The following TEAD4 variants were observed in gnomAD, a reference collection of about 807,000 sequenced individuals.
TEAD4 encodes the protein TEA domain transcription factor 4, also known as transcriptional enhancer factor TEF-3.
TEAD4 carries 36 observed loss-of-function variants against 52.4 expected under a neutral mutation model. The ratio of observed to expected loss-of-function variants is 0.69; its 90% CI spans 0.53 to 0.91. The LOEUF is 0.91. Ranked by LOEUF, TEAD4 falls within the 40% of genes least tolerant of loss-of-function variation. The pLI is 0.00. For synonymous variants in TEAD4, 220 were observed against 231.0 expected (o/e 0.95, Z 0.43); for missense variants, 508 against 583.9 (o/e 0.87, Z 1.34).
intron 10 of TEAD4, among the ~76,000 whole-genome samples, chr12:3,023,075 TG>T (rs1565548131): frequency 6.6e-6 from 1 of 152,128 alleles, no homozygotes; most frequent in African/African-American, 2.4e-5. Flanking sequence ...CAGCTGAACA[TG>T]GGGGCAGGCT....
Position 2,995,079 on chromosome 12 carries a change from A to C in TEAD4, c.226+87A>C, listed in dbSNP as rs12099824. The C allele has an allele frequency of 7.5e-3, 11,257 of 1,507,172 alleles. 680 individuals are homozygous for C. The African/African-American group carries it at 0.13, about 18-fold the overall frequency. 93.4% of individuals were successfully genotyped at this position (1,507,172 alleles called of 1,614,324 possible). On this transcript the variant is annotated intron_variant, in intron 3 of 12. Transcript: ENST00000359864. ...CCTTGGGGTTCCTGCCGGGCCACAG[A>C]AGGGGATGACCACTTGGGGCTTTGT...
chr12:2,967,949 G>A (rs2098221748), intron 2 of TEAD4, among the ~76,000 whole-genome samples: 1 of 152,076 alleles, frequency 6.6e-6, no homozygotes, highest in African/African-American at 2.4e-5. Context: ...TAAGCTCTGT[G>A]ACCCTCTGGC....
chr12:3,007,338 C>A (rs566621784), intron 3 of TEAD4, among the ~76,000 whole-genome samples: 11 of 152,188 alleles, frequency 7.2e-5, no homozygotes, highest in African/African-American at 2.7e-4. Context: ...GAGGAGGTTC[C>A]ATTAACTAAG....
At chr12:2,996,577 A>G (rs2098247386) in intron 3 of TEAD4, among the ~76,000 whole-genome samples, 2 of 151,818 alleles carry the variant, frequency 1.3e-5, no homozygotes, top group African/African-American at 4.8e-5. Context: ...CTCCTGGCTA[A>G]TTTTGTATTT....
chr12:3,038,667 G>A (rs879043414), intron 11 of TEAD4, among the ~76,000 whole-genome samples: 20 of 152,282 alleles, frequency 1.3e-4, no homozygotes, highest in Admixed American at 1.1e-3. Context: ...CTAAACCCCC[G>A]GCCAAGGGCA....
chr12:3,006,228 A>G (rs1220477348), intron 3 of TEAD4, among the ~76,000 whole-genome samples: 4 of 152,204 alleles, frequency 2.6e-5, no homozygotes, highest in Non-Finnish European at 4.4e-5. Flanking sequence ...GTGTGCCTCG[A>G]AGGAGATGCT....
Position 3,033,350 on chromosome 12 carries a change from C to T in TEAD4, c.898-4618C>T, listed in dbSNP as rs535959926. Among the ~76,000 whole-genome samples, 25 of 152,320 alleles carry T rather than the reference C, an allele frequency of 1.6e-4. No individual in the cohort carries two copies. In the East Asian group the frequency reaches 2.5e-3, roughly 15 times the overall value. On this transcript the variant is annotated intron_variant, in intron 10 of 12. Transcript: ENST00000359864. ...CCTCAGCCCTATCTGCTGAGCGCCA[C>T]GGGGCCTGGAGCGAGGGACTGATGC...
intron 2 of TEAD4, among the ~76,000 whole-genome samples, chr12:2,977,315 TC>T (rs1180743699): frequency 6.6e-6 from 1 of 152,180 alleles, no homozygotes; most frequent in African/African-American, 2.4e-5. Flanking sequence ...TTTCTCCCCT[TC>T]CTGCTCTCTC....
chr12:3,009,846 G>T (rs1252868754), intron 3 of TEAD4, among the ~76,000 whole-genome samples: 1 of 152,216 alleles, frequency 6.6e-6, no homozygotes, highest in East Asian at 1.9e-4. Flanking sequence ...AGTACCTCTG[G>T]AGAGTAGCCT....
chr12:2,965,727 G>A lies in TEAD4; in HGVS notation c.-30+5687G>A, dbSNP rs527636587. On this transcript the variant is annotated intron_variant, in intron 2 of 12. Transcript: ENST00000359864. ...CCACCTAATTTTTTTGTATTTTTTA[G>A]TAGAGACGGGGTTTCACCATGTTAG... 4.2e-3 allele frequency among the ~76,000 whole-genome samples: 642 copies of A among 151,988 alleles called. 5 individuals carry two copies. Among genetic ancestry groups the A allele is most frequent in the African/African-American group, 0.015 (607 of 41,404 alleles).
intron 10 of TEAD4, among the ~76,000 whole-genome samples, chr12:3,026,507 G>A (rs967382107): frequency 2.0e-5 from 3 of 152,158 alleles, no homozygotes; most frequent in Non-Finnish European, 4.4e-5. Context: ...ATGACTGCTG[G>A]AGTTCCAGCC....
intron 2 of TEAD4, among the ~76,000 whole-genome samples, chr12:2,966,489 C>T (rs1039213934): frequency 2.0e-5 from 3 of 151,362 alleles, no homozygotes; most frequent in African/African-American, 7.3e-5. Context: ...TGGCTCACTG[C>T]AACCTCTGCC....
chr12:2,966,280 C>T (rs1206141960), intron 2 of TEAD4, among the ~76,000 whole-genome samples: 1 of 152,118 alleles, frequency 6.6e-6, no homozygotes, highest in Non-Finnish European at 1.5e-5. Context: ...AACTCCTGAG[C>T]TTGTGTTACT....
At chr12:2,973,655 A>C (rs1704494824) in intron 2 of TEAD4, among the ~76,000 whole-genome samples, 1 of 152,202 alleles carries the variant, frequency 6.6e-6, no homozygotes, top group African/African-American at 2.4e-5. Flanking sequence ...ATGGTTCAGA[A>C]TGAGAGGCAC....
chr12:3,039,816 T>C (rs2098281604), intron 11 of TEAD4, among the ~76,000 whole-genome samples: 1 of 152,072 alleles, frequency 6.6e-6, no homozygotes, highest in African/African-American at 2.4e-5. Flanking sequence ...GCCTCCAGAG[T>C]AGCTGGGATT....
intron 2 of TEAD4, among the ~76,000 whole-genome samples, chr12:2,962,103 TTTTAC>T (rs1379874250): frequency 6.6e-6 from 1 of 150,908 alleles, no homozygotes; most frequent in Non-Finnish European, 1.5e-5. Context: ...TTTTATTTTA[TTTTAC>T]TTTATTTTTA....
rs563081204 is a variant in TEAD4 at position 2,968,720 on chromosome 12, C to T, written c.-30+8680C>T. ...CTGGAGTGCAGTGGTGTGATCATAG[C>T]TCACTGTAGCCTCAAACTCCTGCAC... On this transcript the variant is annotated intron_variant, in intron 2 of 12. Transcript: ENST00000359864. Among the ~76,000 whole-genome samples, 6 of 152,016 alleles carry T rather than the reference C, an allele frequency of 3.9e-5. No individual in the cohort carries two copies. In the East Asian group the frequency reaches 1.2e-3, roughly 29 times the overall value.
At chr12:2,992,215 C>T (rs1449289790) in intron 2 of TEAD4, among the ~76,000 whole-genome samples, 3 of 151,642 alleles carry the variant, frequency 2.0e-5, no homozygotes, top group South Asian at 2.1e-4. Flanking sequence ...GGCGGGGTTT[C>T]GCCATGTTGG....
In TEAD4 at chr12:3,017,464, G is replaced by A. The variant is rs117484952; in HGVS notation, c.421G>A (p.Ala141Thr). ...CATGTCGTCTGCACAGATCATCTCCGCCACGGCCTTCCACAGTAGCATGGC... is the reference window on the plus strand; with the variant it reads ...CATGTCGTCTGCACAGATCATCTCCACCACGGCCTTCCACAGTAGCATGGC... The change falls in exon 6 of 13, where the codon GCC (alanine) becomes ACC (threonine). Residue 141 changes from alanine to threonine, a missense_variant. Transcript: ENST00000359864. 3,246 of 1,614,148 alleles carry A rather than the reference G, an allele frequency of 2.0e-3. 5 individuals are homozygous for A. Among genetic ancestry groups the A allele is most frequent in the Non-Finnish European group, 2.5e-3 (3,001 of 1,180,042 alleles).
Sources: gnomAD v4.1 joint callset for allele counts (sites outside exome capture counted in the v4.1 genomes callset) on GRCh38, gnomAD v4.1.1 for gene constraint, MANE v1.5 for transcripts, NCBI Gene and HGNC (gene_info 2026-07-23, HGNC 2026-07-21) for gene names.